BCAT1: variants seen among roughly 807,000 people sequenced by gnomAD.
BCAT1 encodes the protein branched chain amino acid transaminase 1.
BCAT1 carries 48 observed loss-of-function variants against 52.4 expected under a neutral mutation model. The ratio of observed to expected loss-of-function variants is 0.92; its 90% confidence interval spans 0.73 to 1.16. The LOEUF (loss-of-function observed/expected upper bound fraction) is 1.16. Among genes scored for constraint, BCAT1 ranks in the 50% most tolerant of loss-of-function variants. BCAT1 has a pLI of 0.00. For synonymous variants in BCAT1, 167 were observed against 161.3 expected (o/e 1.04, Z -0.27); for missense variants, 451 against 457.1 (o/e 0.99, Z 0.12).
At chr12:24,907,470 C>T (rs1044199530) in intron 1 of BCAT1, among the ~76,000 whole-genome samples, 8 of 152,198 alleles carry the variant, frequency 5.3e-5, no homozygotes, top group Non-Finnish European at 8.8e-5. Context: ...TGGCCTGAAG[C>T]AACTGAAGAT....
intron 3 of BCAT1, among the ~76,000 whole-genome samples, chr12:24,884,944 C>T (rs1942616403): frequency 6.6e-6 from 1 of 151,556 alleles, no homozygotes; most frequent in Non-Finnish European, 1.5e-5. Context: ...GATAACTTCC[C>T]TAAGTGACAA....
intron 10 of BCAT1, among the ~76,000 whole-genome samples, chr12:24,829,494 T>G (rs1418772586): frequency 1.3e-5 from 2 of 152,206 alleles, no homozygotes; most frequent in African/African-American, 4.8e-5. Context: ...TTTTCTTCCT[T>G]TTTTTAACAA....
At chr12:24,929,379 C>T (rs941342687) in intron 1 of BCAT1, among the ~76,000 whole-genome samples, 7 of 152,130 alleles carry the variant, frequency 4.6e-5, no homozygotes, top group African/African-American at 1.4e-4. Context: ...CATTGGAGCT[C>T]AGGACGCACC....
intron 3 of BCAT1, among the ~76,000 whole-genome samples, chr12:24,884,673 C>T (rs1009706286): frequency 6.6e-6 from 1 of 151,960 alleles, no homozygotes; most frequent in African/African-American, 2.4e-5. Context: ...GCTTCAAATA[C>T]ATGTAAAGAG....
intron 1 of BCAT1, among the ~76,000 whole-genome samples, chr12:24,928,964 T>C (rs1348050370): frequency 6.6e-6 from 1 of 152,128 alleles, no homozygotes; most frequent in African/African-American, 2.4e-5. Flanking sequence ...TTTCCCCATA[T>C]TGGCCAGGCT....
rs112379339 is a variant in BCAT1 at position 24,847,317 on chromosome 12, C to T, written c.674+2469G>A. ...TGAATAGTTTCTACCATTACCAATG[C>T]CTCACACCAGAGTGGTACATTTGCT... On this transcript the variant is annotated intron_variant, in intron 6 of 10. Coordinates refer to ENST00000261192, the MANE Select transcript of BCAT1 (RefSeq NM_005504.7). Among the ~76,000 whole-genome samples the T allele has an allele frequency of 7.0e-3, 1,067 of 152,310 alleles. 9 individuals are homozygous for T. Among genetic ancestry groups the T allele is most frequent in the Non-Finnish European group, 0.01 (712 of 68,032 alleles).
At chr12:24,949,255 T>C (rs190325646), upstream of BCAT1, 10 of 469,136 alleles carry the variant, frequency 2.1e-5, no homozygotes, top group Non-Finnish European at 3.4e-5. Context: ...CACTCACTGC[T>C]CACTCCCGGG....
At chr12:24,901,725 A>G in intron 2 of BCAT1, 89 bp downstream of exon 2, 1 of 1,353,794 alleles carries the variant, frequency 7.4e-7, no homozygotes, top group Non-Finnish European at 1.0e-6. Flanking sequence ...GGTAACCCAC[A>G]CAGTGAAAAT....
At chr12:24,861,820 G>A (rs1444472856) in intron 5 of BCAT1, among the ~76,000 whole-genome samples, 2 of 152,134 alleles carry the variant, frequency 1.3e-5, no homozygotes, top group South Asian at 2.1e-4. Context: ...ACAGATACAG[G>A]TCACAAAGAA....
chr12:24,848,013 G>A (rs761605744), intron 6 of BCAT1, among the ~76,000 whole-genome samples: 25 of 152,232 alleles, frequency 1.6e-4, no homozygotes, highest in Non-Finnish European at 2.8e-4. Context: ...AGGAGGAGAC[G>A]GCCCTAGAAC....
At chr12:24,828,098 G>A (rs976714638) in intron 10 of BCAT1, among the ~76,000 whole-genome samples, 1 of 152,070 alleles carries the variant, frequency 6.6e-6, no homozygotes, top group African/African-American at 2.4e-5. Flanking sequence ...TTGCTCTCTG[G>A]AGGCCTGTTG....
chr12:24,866,188 C>T (rs1415165912), intron 5 of BCAT1, among the ~76,000 whole-genome samples: 1 of 152,242 alleles, frequency 6.6e-6, no homozygotes, highest in Non-Finnish European at 1.5e-5. Context: ...CTGGCCCTGC[C>T]AGCCCCGGGC....
chr12:24,907,190 C>T (rs1288511709), intron 1 of BCAT1, among the ~76,000 whole-genome samples: 1 of 152,190 alleles, frequency 6.6e-6, no homozygotes, highest in Non-Finnish European at 1.5e-5. Flanking sequence ...TGTAACATTC[C>T]CTGCCTTTGC....
chr12:24,878,982 C>T (rs540568801), intron 4 of BCAT1, among the ~76,000 whole-genome samples: 5 of 152,068 alleles, frequency 3.3e-5, no homozygotes, highest in Non-Finnish European at 5.9e-5. Context: ...GATGGGATGA[C>T]GAGCTATCCA....
At chr12:24,855,937 C>T (rs906653902) in intron 5 of BCAT1, among the ~76,000 whole-genome samples, 3 of 152,078 alleles carry the variant, frequency 2.0e-5, no homozygotes, top group Non-Finnish European at 2.9e-5. Context: ...CTGCTGATCC[C>T]ATCTTTAGAC....
intron 1 of BCAT1, among the ~76,000 whole-genome samples, chr12:24,910,028 C>T (rs1340173701): frequency 6.6e-6 from 1 of 152,208 alleles, no homozygotes; most frequent in Non-Finnish European, 1.5e-5. Context: ...ATAAGGCTGA[C>T]TCAGACTGCT....
At chr12:24,894,252 C>T in intron 3 of BCAT1, 23 bp downstream of exon 3, 1 of 1,609,510 alleles carries the variant, frequency 6.2e-7, no homozygotes, top group Non-Finnish European at 8.5e-7. Context: ...GCATGTCACT[C>T]TCTTTAATTC....
At chr12:24,913,558 C>T (rs1348673198) in intron 1 of BCAT1, among the ~76,000 whole-genome samples, 1 of 152,200 alleles carries the variant, frequency 6.6e-6, no homozygotes, top group Non-Finnish European at 1.5e-5. Flanking sequence ...ACAACAAGAA[C>T]TGGATGCAAA....
intron 6 of BCAT1, among the ~76,000 whole-genome samples, chr12:24,849,105 C>A (rs1941425652): frequency 6.6e-6 from 1 of 152,262 alleles, no homozygotes; most frequent in African/African-American, 2.4e-5. Flanking sequence ...ACATGCAAAG[C>A]AAGAACCCAT....
Sources: allele counts gnomAD v4.1 joint callset (sites outside exome capture counted in the v4.1 genomes callset), GRCh38; gene constraint gnomAD v4.1.1; transcripts MANE v1.5; gene names NCBI Gene and HGNC (gene_info 2026-07-23, HGNC 2026-07-21).